The following MEMO1 variants were observed in gnomAD, a reference collection of about 807,000 sequenced individuals.
MEMO1 encodes protein MEMO1.
A neutral mutation model predicts 45.2 loss-of-function variants in MEMO1; 6 were observed. The ratio of observed to expected loss-of-function variants is 0.13; its 90% CI spans 0.07 to 0.26. MEMO1 has a LOEUF of 0.26. Ranked by LOEUF, MEMO1 falls within the 10% of genes least tolerant of loss-of-function variation. MEMO1 has a pLI of 1.00. For synonymous variants in MEMO1, 78 were observed against 124.3 expected, an observed-to-expected ratio of 0.63 and a Z score of 2.48; for missense variants, 184 against 370.5, an observed-to-expected ratio of 0.50 and a Z score of 4.13.
chr2:31,898,425 T>C lies in MEMO1; in HGVS notation c.438-6291A>G, dbSNP rs546256084. ...ATTCTGGTACATTGTGACTTTGTTC[T>C]CATTGGTTTCAAAGAACTTCTTTAT... On this transcript the variant is annotated intron_variant, in intron 6 of 9. Coordinates refer to ENST00000404530, the MANE Select transcript of MEMO1 (RefSeq NM_001301833.4). Among the ~76,000 whole-genome samples, 5 of 152,346 alleles carry C rather than the reference T, an allele frequency of 3.3e-5. No individual in the cohort carries two copies. In the South Asian group the frequency reaches 6.2e-4, roughly 19 times the overall value.
At position 31,993,949 on chromosome 2, in the gene MEMO1, C is replaced by CTTTTTTTTTTTTTTTT. The variant is rs397800267; in HGVS notation, c.61+16222_61+16237dup. ...AATACAGAAATATCATCAATACTTTCTTTTTTTTTTTTTTTTTTTTTTTTT... is the reference window on the plus strand; with the variant it reads ...AATACAGAAATATCATCAATACTTTCTTTTTTTTTTTTTTTTTTTTTTTTTTTTTTTTTTTTTTTTT... On this transcript the variant is annotated intron_variant, in intron 2 of 9. Coordinates refer to ENST00000404530, the MANE Select transcript of MEMO1 (RefSeq NM_001301833.4). Among the ~76,000 whole-genome samples, 3 of 73,556 alleles carry CTTTTTTTTTTTTTTTT rather than the reference C, an allele frequency of 4.1e-5. 1 individual carries two copies. The highest frequency in any genetic ancestry group is 1.5e-4 in the African/African-American group (3 of 20,482). 48.3% of individuals were successfully genotyped at this position (73,556 alleles called of 152,430 possible).
intron 3 of MEMO1, among the ~76,000 whole-genome samples, chr2:31,941,365 C>G (rs1301248095): frequency 6.6e-6 from 1 of 152,144 alleles, no homozygotes; most frequent in African/African-American, 2.4e-5. Context: ...TGTTACCTTA[C>G]CAGGGAGTCC....
At chr2:31,905,952 G>A (rs1279896591) in intron 6 of MEMO1, among the ~76,000 whole-genome samples, 1 of 152,016 alleles carries the variant, frequency 6.6e-6, no homozygotes, top group Admixed American at 6.6e-5. Context: ...ACACCATCAA[G>A]GAGAGCTATT....
intron 2 of MEMO1, among the ~76,000 whole-genome samples, chr2:31,979,803 T>A (rs1572878866): frequency 6.6e-6 from 1 of 152,162 alleles, no homozygotes; most frequent in African/African-American, 2.4e-5. Context: ...AGATAGATAT[T>A]GCTAACTTCT....
At chr2:31,898,702 G>C (rs1204965713) in intron 6 of MEMO1, among the ~76,000 whole-genome samples, 1 of 152,228 alleles carries the variant, frequency 6.6e-6, no homozygotes, top group African/African-American at 2.4e-5. Flanking sequence ...ATTTGGGGTA[G>C]AGAGTTCCCC....
At chr2:31,968,386 G>A (rs550489913) in intron 2 of MEMO1, among the ~76,000 whole-genome samples, 1 of 152,314 alleles carries the variant, frequency 6.6e-6, no homozygotes, top group Non-Finnish European at 1.5e-5. Context: ...CTTCCACCAT[G>A]GAATGGTAGA....
chr2:31,948,636 C>A (rs930745558), intron 2 of MEMO1, among the ~76,000 whole-genome samples: 2 of 152,142 alleles, frequency 1.3e-5, no homozygotes, highest in African/African-American at 4.8e-5. Flanking sequence ...CAGTGGCTCA[C>A]ACTTGTAATA....
intron 4 of MEMO1, chr2:31,923,397 A>G (rs796142351): frequency 2.6e-4 from 81 of 306,122 alleles, no homozygotes; most frequent in African/African-American, 1.6e-3. Flanking sequence ...AATTATTAGC[A>G]CTGCTAATCC....
intron 5 of MEMO1, among the ~76,000 whole-genome samples, chr2:31,918,630 T>C (rs769265507): frequency 2.6e-5 from 4 of 152,166 alleles, no homozygotes; most frequent in Non-Finnish European, 5.9e-5. Context: ...TGGATCAAAA[T>C]ATAAATTCGC....
chr2:31,949,162 G>A (rs1032727329), intron 2 of MEMO1, among the ~76,000 whole-genome samples: 4 of 152,104 alleles, frequency 2.6e-5, no homozygotes, highest in Non-Finnish European at 4.4e-5. Flanking sequence ...ACTGTTGGTG[G>A]GAATCTAAAT....
intron 2 of MEMO1, among the ~76,000 whole-genome samples, chr2:31,952,577 C>T (rs1666960126): frequency 6.6e-6 from 1 of 152,162 alleles, no homozygotes; most frequent in Non-Finnish European, 1.5e-5. Context: ...AATTTGGATT[C>T]TCTCTTCCCA....
intron 3 of MEMO1, 80 bp downstream of exon 3, chr2:31,943,222 G>T: frequency 9.8e-7 from 1 of 1,022,766 alleles, no homozygotes; most frequent in Non-Finnish European, 1.5e-6. Flanking sequence ...CCGAGACCAT[G>T]CCACTGTACT....
In MEMO1 at chr2:31,878,074, G is replaced by A. The variant is rs1674815219; in HGVS notation, c.657+5312C>T. 2.0e-5 allele frequency among the ~76,000 whole-genome samples: 3 copies of A among 152,168 alleles called. No homozygotes were observed. The South Asian group carries it at 6.2e-4, about 32-fold the overall frequency. On this transcript the variant is annotated intron_variant, in intron 8 of 9. Transcript: ENST00000404530. ...GTGGACTGGGAATGCTGCAAGGGTA[G>A]GATGTAGGATGCAAAATTAAATAGA...
chr2:31,924,057 A>G (rs766368090), intron 4 of MEMO1, among the ~76,000 whole-genome samples: 10 of 152,064 alleles, frequency 6.6e-5, no homozygotes, highest in Non-Finnish European at 1.3e-4. Context: ...TCCATATTTG[A>G]TTAAAAGAAA....
chr2:31,963,248 A>G (rs1455761588), intron 2 of MEMO1: 1 of 1,544,480 alleles, frequency 6.5e-7, no homozygotes, highest in Non-Finnish European at 8.7e-7. Context: ...GCATGAGTCA[A>G]TTCCAAATAA....
At chr2:31,878,881 T>G (rs1316362011) in intron 8 of MEMO1, among the ~76,000 whole-genome samples, 1 of 152,188 alleles carries the variant, frequency 6.6e-6, no homozygotes, top group Non-Finnish European at 1.5e-5. Context: ...TCCTTAGAGA[T>G]TCTTTCCTAA....
At chr2:31,950,402 C>A (rs1380565484) in intron 2 of MEMO1, among the ~76,000 whole-genome samples, 2 of 149,652 alleles carry the variant, frequency 1.3e-5, no homozygotes, top group East Asian at 4.0e-4. Flanking sequence ...AAAAAAAAAC[C>A]TATTAATGAA....
chr2:31,935,110 T>C (rs1473562998), intron 3 of MEMO1, among the ~76,000 whole-genome samples: 1 of 152,312 alleles, frequency 6.6e-6, no homozygotes, highest in Non-Finnish European at 1.5e-5. Flanking sequence ...ATTATTATTA[T>C]TGTCATTTTA....
At position 31,931,430 on chromosome 2, in the gene MEMO1, C is replaced by T. The variant is rs1471497209; in HGVS notation, c.212+637G>A. ...GGCAAAGAAGGGCCAGATATTGGTT[C>T]ATATCTAGTAAATTAACTGTGTAAA... is the stretch of plus-strand genomic sequence containing the variant. On this transcript the variant is annotated intron_variant, in intron 4 of 9. Transcript: ENST00000404530. 3.3e-5 allele frequency among the ~76,000 whole-genome samples: 5 copies of T among 152,146 alleles called. No individual in the cohort carries two copies. In the East Asian group the frequency reaches 9.6e-4, roughly 29 times the overall value.
Sources: gnomAD v4.1 joint callset for allele counts (sites outside exome capture counted in the v4.1 genomes callset) on GRCh38, gnomAD v4.1.1 for gene constraint, MANE v1.5 for transcripts, NCBI Gene and HGNC (gene_info 2026-07-23, HGNC 2026-07-21) for gene names.